RANBP2: variants seen among roughly 807,000 people sequenced by gnomAD.
RANBP2 encodes RAN binding protein 2, also known as E3 SUMO-protein ligase RanBP2.
RANBP2 carries 57 observed loss-of-function variants against 303.6 expected under a neutral mutation model. The ratio of observed to expected loss-of-function variants is 0.19; its 90% CI spans 0.15 to 0.23. RANBP2 has a LOEUF of 0.23. Ranked by LOEUF, RANBP2 falls within the 10% of genes least tolerant of loss-of-function variation. The pLI, the probability that RANBP2 is intolerant of heterozygous loss-of-function variation, is 1.00. For synonymous variants in RANBP2, 1,167 were observed against 1,301.5 expected, an observed-to-expected ratio of 0.90 and a Z score of 2.23; for missense variants, 3,138 against 3,780.8, an observed-to-expected ratio of 0.83 and a Z score of 4.46.
chr2:109,625,208 A>G, the RANBP2 span, among the ~76,000 whole-genome samples: 1 of 151,930 alleles, frequency 6.6e-6, no homozygotes, highest in South Asian at 2.1e-4. Context: ...ATTCCCAGGC[A>G]CTGGCCTGGA....
At chr2:109,499,681 G>A in the RANBP2 span, among the ~76,000 whole-genome samples, 2 of 152,214 alleles carry the variant, frequency 1.3e-5, no homozygotes, top group African/African-American at 4.8e-5. Flanking sequence ...GGCTCTCCTG[G>A]GGCCACCACA....
intron 12 of RANBP2, 114 bp downstream of exon 12, chr2:108,752,108 C>G: frequency 1.3e-6 from 2 of 1,569,256 alleles, no homozygotes; most frequent in South Asian, 2.4e-5. Context: ...CACATTATGA[C>G]AGATGTGTTT....
chr2:108,933,800 C>T, the RANBP2 span, among the ~76,000 whole-genome samples: 297 of 152,060 alleles, frequency 2.0e-3, 1 homozygote, highest in African/African-American at 6.8e-3. Context: ...GGGCGACCTG[C>T]AGCCCGTCAG....
rs765522327 is a variant in RANBP2, at chr2:108,763,558, G to T, written c.3019G>T (p.Val1007Phe). The change falls in exon 20 of 29, where the codon GTT (valine) becomes TTT (phenylalanine). Residue 1007 changes from valine (V) to phenylalanine (F), a missense_variant. Val to Phe is a conservative substitution (Grantham distance 50). Transcript: ENST00000283195. ...KTIEFGKTNF[V>F]QPMPGEGLRP... ...TATAGAATTTGGGAAAACTAATTTT[G>T]TTCAGCCCATGCCGGGTGAAGGATT... 5.0e-6 allele frequency: 8 copies of T among 1,614,070 alleles called. No homozygotes were observed. In the South Asian group the frequency reaches 5.5e-5, roughly 11 times the overall value.
chr2:109,472,979 C>T, the RANBP2 span, among the ~76,000 whole-genome samples: 1 of 152,168 alleles, frequency 6.6e-6, no homozygotes, highest in African/African-American at 2.4e-5. Flanking sequence ...AAATTCTACC[C>T]GACTCGTGGG....
the RANBP2 span, among the ~76,000 whole-genome samples, chr2:109,138,477 G>C: frequency 6.6e-6 from 1 of 152,230 alleles, no homozygotes; most frequent in African/African-American, 2.4e-5. Flanking sequence ...GTAAAAATTA[G>C]CTTGGTGCTG....
chr2:108,772,425 G>A, intron 21 of RANBP2, 64 bp from the exon 22 acceptor site: 2 of 1,291,060 alleles, frequency 1.5e-6, no homozygotes, highest in Non-Finnish European at 2.2e-6. Context: ...GTTGGAGGTA[G>A]TCCCTAAGCA....
chr2:109,567,051 A>G, the RANBP2 span, among the ~76,000 whole-genome samples: 1 of 152,194 alleles, frequency 6.6e-6, no homozygotes, highest in Non-Finnish European at 1.5e-5. Flanking sequence ...GTACACTAAT[A>G]TAAAAGTGGT....
chr2:108,972,515 G>T, the RANBP2 span, among the ~76,000 whole-genome samples: 2 of 152,228 alleles, frequency 1.3e-5, no homozygotes. Flanking sequence ...AGGTCAGGCT[G>T]CAACGGGCCG....
At chr2:109,052,467 T>C in the RANBP2 span, among the ~76,000 whole-genome samples, 1 of 152,230 alleles carries the variant, frequency 6.6e-6, no homozygotes. Context: ...TATTTCTTGG[T>C]GTAAGCTTTG....
the RANBP2 span, among the ~76,000 whole-genome samples, chr2:109,015,106 G>A: frequency 0.014 from 1,617 of 113,200 alleles, 14 homozygotes; most frequent in Middle Eastern, 0.035. Context: ...GCGACAGAGC[G>A]AGACTCCATC....
At chr2:108,786,821 CTA>C (rs1558952531), downstream of RANBP2, 4 of 1,587,662 alleles carry the variant, frequency 2.5e-6, no homozygotes, top group Non-Finnish European at 3.4e-6. Flanking sequence ...TTGCTGTGTG[CTA>C]TGGAGCCGAG....
chr2:109,409,845 G>T, the RANBP2 span, among the ~76,000 whole-genome samples: 2 of 152,212 alleles, frequency 1.3e-5, no homozygotes, highest in South Asian at 2.1e-4. Flanking sequence ...TTTACACCCC[G>T]TGTAATGGAG....
chr2:108,929,122 C>T, the RANBP2 span: 12 of 1,565,104 alleles, frequency 7.7e-6, no homozygotes, highest in Non-Finnish European at 1.1e-5. Context: ...CCCCTGTTCC[C>T]AAGGTCCTTG....
chr2:109,195,258 G>A, the RANBP2 span, among the ~76,000 whole-genome samples: 1 of 152,184 alleles, frequency 6.6e-6, no homozygotes, highest in Non-Finnish European at 1.5e-5. Flanking sequence ...TGCAGTCCAT[G>A]GGAACAGGGA....
the RANBP2 span, among the ~76,000 whole-genome samples, chr2:109,088,335 C>T: frequency 1.1e-4 from 16 of 144,604 alleles, no homozygotes; most frequent in African/African-American, 2.0e-4. Context: ...AGGCGGAGAC[C>T]GCAGTGAGCC....
At chr2:108,873,497 T>C in the RANBP2 span, 575 of 1,608,812 alleles carry the variant, frequency 3.6e-4, 3 homozygotes, top group East Asian at 0.012. Context: ...CTTTATTTTT[T>C]CGTACTTGCT....
chr2:109,297,111 G>A, the RANBP2 span, among the ~76,000 whole-genome samples: 2 of 151,920 alleles, frequency 1.3e-5, no homozygotes, highest in Admixed American at 6.6e-5. Flanking sequence ...AGCCCAATAC[G>A]GCTCCACAGA....
the RANBP2 span, among the ~76,000 whole-genome samples, chr2:109,246,946 G>A: frequency 2.6e-5 from 4 of 152,214 alleles, no homozygotes; most frequent in Admixed American, 1.3e-4. Context: ...GCCTTGAGGA[G>A]GCGTTCCCAG....
Sources: allele counts gnomAD v4.1 joint callset (sites outside exome capture counted in the v4.1 genomes callset), GRCh38; gene constraint gnomAD v4.1.1; transcripts MANE v1.5; gene names NCBI Gene and HGNC (gene_info 2026-07-23, HGNC 2026-07-21).